Variants in LRRC45 observed in about 807,000 individuals in gnomAD.
The protein encoded by LRRC45 is leucine-rich repeat-containing protein 45.
A neutral mutation model predicts 85.4 loss-of-function variants in LRRC45; 73 were observed. The observed-to-expected ratio is 0.85, with a 90% CI of 0.71 to 1.04. The LOEUF (loss-of-function observed/expected upper bound fraction) is 1.04, where lower values mean the gene tolerates loss of function less well. LRRC45 is among the 50% of genes least tolerant of loss of function. The pLI is 0.00. For synonymous variants in LRRC45, 429 were observed against 386.0 expected, an observed-to-expected ratio of 1.11 and a Z score of -1.31; for missense variants, 937 against 883.3, an observed-to-expected ratio of 1.06 and a Z score of -0.77.
chr17:82,029,820 G>T (rs2043401719), intron 14 of LRRC45, among the ~76,000 whole-genome samples, 185 bp downstream of exon 14: 1 of 152,212 alleles, frequency 6.6e-6, no homozygotes, highest in African/African-American at 2.4e-5. Flanking sequence ...CGGTGGAGAG[G>T]TTTGGCCCAT....
rs1260007244 is a variant in LRRC45, at chr17:82,025,006, G to A, written c.360G>A (p.Thr120=). 3.8e-6 allele frequency: 6 copies of A among 1,580,776 alleles called. No individual in the cohort carries two copies. The highest frequency in any genetic ancestry group is 1.3e-5 in the African/African-American group (1 of 74,218). ...LQQNKSIQSL[T]LEWNSLGTWD... is the part of the protein sequence containing the mutation. The stretch of plus-strand genomic sequence containing the variant: ...GCTTCTGCCCCTCCTGCAGCCTCAC[G>A]CTGGAGTGGAACAGCCTGGGCACGT... Residue 120 remains threonine, a synonymous_variant, in exon 4 of 17, where the codon ACG becomes ACA. Coordinates refer to ENST00000306688, the MANE Select transcript of LRRC45 (RefSeq NM_144999.4).
At chr17:82,028,168 G>A (rs2144146043) in intron 9 of LRRC45, 22 bp downstream of exon 9, 1 of 1,561,056 alleles carries the variant, frequency 6.4e-7, no homozygotes. Context: ...GGGCTTGAGA[G>A]GGGTGGGCCA....
intron 14 of LRRC45, among the ~76,000 whole-genome samples, 182 bp downstream of exon 14, chr17:82,029,817 G>A (rs2043401681): frequency 6.6e-6 from 1 of 152,246 alleles, no homozygotes; most frequent in Admixed American, 6.5e-5. Context: ...AGACGGTGGA[G>A]AGGTTTGGCC....
chr17:82,029,685 T>C, intron 14 of LRRC45, 50 bp downstream of exon 14: 2 of 1,516,752 alleles, frequency 1.3e-6, no homozygotes, highest in South Asian at 2.4e-5. Context: ...CTGCCCGGCA[T>C]TGCGGCCCGC....
Position 82,030,228 on chromosome 17 carries a change from A to T in LRRC45, c.1658A>T (p.Glu553Val). The change falls in exon 15 of 17, where the codon GAG (glutamate) becomes GTG (valine). Residue 553 changes from glutamate to valine, a missense_variant. Transcript: ENST00000306688. ...GAGGGCCTGCGGCGGCGCCTGGAAGAGCTGCAGCAGGTAGGCGGGGCTCCG... is the reference window on the plus strand; with the variant it reads ...GAGGGCCTGCGGCGGCGCCTGGAAGTGCTGCAGCAGGTAGGCGGGGCTCCG... ...QVEGLRRRLE[E>V]LQQELSLKDQ... 1 of 1,534,872 alleles carries T rather than the reference A, an allele frequency of 6.5e-7. No homozygotes were observed. The highest frequency in any genetic ancestry group is 8.8e-7 in the Non-Finnish European group (1 of 1,136,868).
chr17:82,026,189 G>GC (rs1210370413), intron 5 of LRRC45, among the ~76,000 whole-genome samples: 1 of 152,182 alleles, frequency 6.6e-6, no homozygotes, highest in African/African-American at 2.4e-5. Context: ...CCTGACCTCT[G>GC]CCCCCTCGCC....
At chr17:82,025,246 G>C (rs1308833912) in intron 4 of LRRC45, 68 bp downstream of exon 4, 1 of 1,534,656 alleles carries the variant, frequency 6.5e-7, no homozygotes, top group African/African-American at 1.4e-5. Flanking sequence ...GGGAAGTGAG[G>C]GGCTAGGGGA....
At chr17:82,025,248 G>A (rs1213435257) in intron 4 of LRRC45, 70 bp downstream of exon 4, 6 of 1,534,846 alleles carry the variant, frequency 3.9e-6, no homozygotes, top group Non-Finnish European at 5.3e-6. Flanking sequence ...GAAGTGAGGG[G>A]CTAGGGGACT....
Position 82,029,159 on chromosome 17 carries a change from G to C in LRRC45, c.1375G>C (p.Glu459Gln), listed in dbSNP as rs747517628. 3.7e-6 allele frequency: 6 copies of C among 1,611,920 alleles called. No homozygotes were observed. The highest frequency in any genetic ancestry group is 4.2e-6 in the Non-Finnish European group (5 of 1,179,748). ...KAMQERVQRL[E>Q]AARLSLEEEL... The stretch of plus-strand genomic sequence containing the variant: ...CATGCAGGAGCGGGTGCAGAGGCTG[G>C]AGGCGGCGCGGCTGTCCCTGGAGGA... Residue 459 changes from glutamate (E) to glutamine (Q), a missense_variant, in exon 13 of 17, where the codon GAG becomes CAG. Physicochemically the swap from Glu to Gln is conservative, Grantham distance 29. Coordinates refer to ENST00000306688, the MANE Select transcript of LRRC45 (RefSeq NM_144999.4).
In LRRC45 at chr17:82,028,648, A is replaced by AGCC; in HGVS notation, c.1274_1276dup (p.Ser425_Leu426insArg). ...CATGGAGAAGAGAAGATGCAGACAG[A>AGCC]GCCTGGAGGACTCCGAAAGCCTGCG... On this transcript the variant is annotated inframe_insertion, in exon 12 of 17. Coordinates refer to ENST00000306688, the MANE Select transcript of LRRC45 (RefSeq NM_144999.4). The AGCC allele has an allele frequency of 6.2e-7, 1 of 1,612,956 alleles. No homozygotes were observed. Among genetic ancestry groups the AGCC allele is most frequent in the South Asian group, 1.1e-5 (1 of 91,086 alleles).
chr17:82,023,688 T>G lies in LRRC45; in HGVS notation c.45T>G (p.Ser15Arg). ...RRSYSRLCRE[S>R]GAEPQEAVLQ... ...CCTACAGCCGCCTGTGCAGGGAGAG[T>G]GGGGCCGAGCCCCAGGAGGCTGTCC... Residue 15 changes from serine to arginine, a missense_variant, in exon 1 of 17, where the codon AGT (serine) becomes AGG (arginine). Ser to Arg is a moderately radical substitution (Grantham distance 110, BLOSUM62 -1). Coordinates refer to ENST00000306688, the MANE Select transcript of LRRC45 (RefSeq NM_144999.4). 1 of 1,552,354 alleles carries G rather than the reference T, an allele frequency of 6.4e-7. No individual in the cohort carries two copies. Among genetic ancestry groups the G allele is most frequent in the South Asian group, 1.2e-5 (1 of 85,042 alleles).
rs200468228 is a variant in LRRC45, at chr17:82,024,985, C to A, written c.354-15C>A. The A allele has an allele frequency of 2.3e-4, 361 of 1,548,178 alleles. No individual in the cohort carries two copies. Among genetic ancestry groups the A allele is most frequent in the Non-Finnish European group, 3.0e-4 (347 of 1,145,012 alleles). On this transcript the variant is annotated splice_polypyrimidine_tract_variant and intron_variant, in intron 3 of 16. Coordinates refer to ENST00000306688, the MANE Select transcript of LRRC45 (RefSeq NM_144999.4). The stretch of plus-strand genomic sequence containing the variant: ...CAGTCCCCTAGGTGAACACTGGCTT[C>A]TGCCCCTCCTGCAGCCTCACGCTGG...
At chr17:82,025,277 G>A in intron 4 of LRRC45, 99 bp downstream of exon 4, 1 of 1,526,416 alleles carries the variant, frequency 6.6e-7, no homozygotes, top group South Asian at 1.3e-5. Context: ...CTCCTGCTCT[G>A]TTGATGACTG....
Position 82,029,639 on chromosome 17 carries a change from A to T in LRRC45, c.1494+4A>T, listed in dbSNP as rs759381708. On this transcript the variant is annotated splice_donor_region_variant and intron_variant, in intron 14 of 16. Transcript: ENST00000306688. ...GAGCCAGGCCCGCCTGGAGGAGGTG[A>T]GCCACACATGTCCGCCACCCTCCGG... 2 of 1,564,754 alleles carry T rather than the reference A, an allele frequency of 1.3e-6. No homozygotes were observed. Among genetic ancestry groups the T allele is most frequent in the Non-Finnish European group, 1.7e-6 (2 of 1,156,266 alleles).
chr17:82,025,319 C>T, intron 4 of LRRC45, 60 bp from the exon 5 acceptor site: 1 of 1,532,628 alleles, frequency 6.5e-7, no homozygotes, highest in Non-Finnish European at 8.8e-7. Context: ...AGCACCCCGG[C>T]CAGGCCAGCT....
chr17:82,030,315 G>C lies in LRRC45; in HGVS notation c.1669-4G>C. The C allele has an allele frequency of 6.5e-7, 1 of 1,548,638 alleles. No homozygotes were observed. On this transcript the variant is annotated splice_polypyrimidine_tract_variant and splice_region_variant and intron_variant, in intron 15 of 16. Coordinates refer to ENST00000306688, the MANE Select transcript of LRRC45 (RefSeq NM_144999.4). ...CCTCACTCCCCAGCCTTCGTGCCTG[G>C]CAGGAGCTGAGCCTCAAGGACCAGG...
At chr17:82,027,508 A>G (rs1386109611) in intron 7 of LRRC45, 64 bp downstream of exon 7, 1 of 1,604,118 alleles carries the variant, frequency 6.2e-7, no homozygotes, top group African/African-American at 1.3e-5. Flanking sequence ...TCAGACTCAG[A>G]TGGGACCAAC....
chr17:82,023,488 G>A lies in LRRC45; in HGVS notation c.-156G>A, dbSNP rs1013444826. ...ACTACCGCCCAGCCCCGCGCTCCCA[G>A]GACCTCCCGCCCGCGGAGCCCACTC... is the stretch of plus-strand genomic sequence containing the variant. On this transcript the variant is annotated 5_prime_UTR_variant, in exon 1 of 17. Coordinates refer to ENST00000306688, the MANE Select transcript of LRRC45 (RefSeq NM_144999.4). The A allele has an allele frequency of 4.6e-6, 3 of 658,128 alleles. No individual in the cohort carries two copies. Among genetic ancestry groups the A allele is most frequent in the Non-Finnish European group, 7.5e-6 (3 of 401,382 alleles). 40.8% of individuals were successfully genotyped at this position (658,128 alleles called of 1,614,324 possible).
rs201110968 is a variant in LRRC45 at position 82,030,428 on chromosome 17, T to C, written c.1778T>C (p.Leu593Pro). 611 of 1,548,822 alleles carry C rather than the reference T, an allele frequency of 3.9e-4. No homozygotes were observed. The highest frequency in any genetic ancestry group is 5.5e-4 in the Middle Eastern group (3 of 5,484). ...GCGGAGCTGGCGGCTCAGGAGGCGC[T>C]GAGGGAGAAGGCGGCGGCCCTGGAG... ...LQAELAAQEA[L>P]REKAAALERQ... The change falls in exon 16 of 17, where the codon CTG becomes CCG. Residue 593 changes from leucine to proline, a missense_variant. Coordinates refer to ENST00000306688, the MANE Select transcript of LRRC45 (RefSeq NM_144999.4).
Sources: gnomAD v4.1 joint callset for allele counts (sites outside exome capture counted in the v4.1 genomes callset) on GRCh38, gnomAD v4.1.1 for gene constraint, MANE v1.5 for transcripts, NCBI Gene and HGNC (gene_info 2026-07-23, HGNC 2026-07-21) for gene names.